Variants in ZNF69 observed in about 807,000 individuals in gnomAD.
The protein encoded by ZNF69 is zinc finger protein 69, also known as ZNF3.
A neutral mutation model predicts 50.9 loss-of-function variants in ZNF69; 47 were observed. That is an observed-to-expected ratio of 0.92 (90% CI 0.73 to 1.18). ZNF69 has a LOEUF of 1.18. Ranked by LOEUF, ZNF69 falls within the 50% of genes most tolerant of loss-of-function variation. ZNF69 has a pLI of 0.00. For synonymous variants in ZNF69, 216 were observed against 223.1 expected (o/e 0.97, Z 0.29); for missense variants, 717 against 675.1 (o/e 1.06, Z -0.69).
chr19:11,934,491 C>T, the ZNF69 span, among the ~76,000 whole-genome samples: 2 of 148,044 alleles, frequency 1.4e-5, no homozygotes, highest in African/African-American at 5.3e-5. Context: ...TTGCTGCTGC[C>T]TCATTGTTTT....
At chr19:11,980,118 A>G in the ZNF69 span, 4 of 878,314 alleles carry the variant, frequency 4.6e-6, no homozygotes, top group Non-Finnish European at 7.1e-6. Context: ...CTTCGAAAAC[A>G]TGGTAGGACT....
At chr19:11,902,155 T>C (rs1972260859) in intron 1 of ZNF69, among the ~76,000 whole-genome samples, 1 of 152,030 alleles carries the variant, frequency 6.6e-6, no homozygotes, top group Non-Finnish European at 1.5e-5. Flanking sequence ...GGTAATTTTG[T>C]ATTTTTAGTA....
the ZNF69 span, among the ~76,000 whole-genome samples, chr19:11,959,379 TCTGG>T: frequency 6.6e-6 from 1 of 152,230 alleles, no homozygotes. Context: ...CTTGGGCAGT[TCTGG>T]TGTGTCTCCT....
chr19:11,968,425 A>G, the ZNF69 span, among the ~76,000 whole-genome samples: 152,099 of 152,150 alleles, frequency 1, 76,024 homozygotes, highest in Middle Eastern at 1. Flanking sequence ...TGTATTTTAC[A>G]GAGGTGGGGT....
chr19:11,906,086 G>T lies in ZNF69; in HGVS notation c.1689G>T (p.Glu563Asp), dbSNP rs372358097. Reference protein sequence around the residue: ...GRTHPEDKPYECKQ With the variant: ...GRTHPEDKPYDCKQ The stretch of plus-strand genomic sequence containing the variant: ...CTCACCCTGAAGATAAACCCTATGA[G>T]TGTAAGCAATGAGGGAAAGCCTTCA... The change falls in exon 4 of 4, where the codon GAG (glutamate) becomes GAT (aspartate). Residue 563 changes from glutamate to aspartate, a missense_variant. Transcript: ENST00000429654. 1 of 1,611,232 alleles carries T rather than the reference G, an allele frequency of 6.2e-7. No individual in the cohort carries two copies. The highest frequency in any genetic ancestry group is 8.5e-7 in the Non-Finnish European group (1 of 1,179,130).
At chr19:11,965,469 C>G in the ZNF69 span, among the ~76,000 whole-genome samples, 2 of 152,208 alleles carry the variant, frequency 1.3e-5, no homozygotes, top group African/African-American at 4.8e-5. Context: ...GTTCCGCGCC[C>G]GCAGCCCCGC....
the ZNF69 span, among the ~76,000 whole-genome samples, chr19:11,941,584 C>T: frequency 6.6e-6 from 1 of 152,228 alleles, no homozygotes; most frequent in Non-Finnish European, 1.5e-5. Flanking sequence ...CGGCCGGCTG[C>T]TCCGAGTGCG....
the ZNF69 span, chr19:11,949,081 A>T: frequency 6.2e-7 from 1 of 1,610,886 alleles, no homozygotes; most frequent in South Asian, 1.1e-5. Flanking sequence ...TCAAACACAC[A>T]TAAGAATGAA....
chr19:11,977,118 C>T, the ZNF69 span: 3 of 1,614,152 alleles, frequency 1.9e-6, no homozygotes, highest in South Asian at 2.2e-5. Context: ...AGAGGAAACT[C>T]TACAGGGAAG....
At chr19:11,961,068 C>T in the ZNF69 span, among the ~76,000 whole-genome samples, 5 of 152,140 alleles carry the variant, frequency 3.3e-5, no homozygotes, top group African/African-American at 9.7e-5. Context: ...CCCTTGAGCC[C>T]AGGAATTTAA....
intron 4 of ZNF69, among the ~76,000 whole-genome samples, chr19:11,912,815 AC>A (rs1972476909): frequency 2.0e-5 from 3 of 152,380 alleles, no homozygotes; most frequent in African/African-American, 7.2e-5. Flanking sequence ...TTCAGACCTG[AC>A]AAGATTCTTT....
At chr19:11,977,791 A>G in the ZNF69 span, among the ~76,000 whole-genome samples, 22 of 152,222 alleles carry the variant, frequency 1.4e-4, no homozygotes, top group Non-Finnish European at 2.2e-4. Context: ...CCAGGAGTTA[A>G]AGGCTGTGGT....
the ZNF69 span, among the ~76,000 whole-genome samples, chr19:11,963,826 ATCCAGC>A: frequency 2.6e-5 from 4 of 152,028 alleles, no homozygotes; most frequent in African/African-American, 7.2e-5. Flanking sequence ...ACCTGTCCAC[ATCCAGC>A]TCCAGCTCTC....
chr19:11,916,223 C>G (rs181900640), downstream of ZNF69, among the ~76,000 whole-genome samples: 874 of 152,164 alleles, frequency 5.7e-3, 8 homozygotes, highest in African/African-American at 0.02. Flanking sequence ...AGGTACTGAA[C>G]TTGTAAGTAA....
chr19:11,979,868 G>C, the ZNF69 span: 3 of 1,463,118 alleles, frequency 2.1e-6, no homozygotes, highest in Non-Finnish European at 2.9e-6. Flanking sequence ...ACAAACACAC[G>C]TAAGAATGCA....
intron 1 of ZNF69, among the ~76,000 whole-genome samples, chr19:11,889,614 C>T (rs556088178): frequency 1.3e-5 from 2 of 152,334 alleles, no homozygotes; most frequent in East Asian, 1.9e-4. Flanking sequence ...TACAGGCACG[C>T]ACCTGAAGGG....
chr19:11,899,701 A>G lies in ZNF69; in HGVS notation c.64-3872A>G, dbSNP rs187554743. Among the ~76,000 whole-genome samples the G allele has an allele frequency of 1.1e-4, 16 of 152,156 alleles. No individual in the cohort carries two copies. In the East Asian group the frequency reaches 2.7e-3, roughly 26 times the overall value. ...AGTTATGAGTAAGGCTGCTAAAAAC[A>G]TTTGTGGGAGGACTTTTGTGTGGAC... is the stretch of plus-strand genomic sequence containing the variant. On this transcript the variant is annotated intron_variant, in intron 1 of 3. Coordinates refer to ENST00000429654, the MANE Select transcript of ZNF69 (RefSeq NM_001364730.1).
downstream of ZNF69, among the ~76,000 whole-genome samples, chr19:11,910,561 G>C (rs1972443094): frequency 6.6e-6 from 1 of 152,158 alleles, no homozygotes; most frequent in South Asian, 2.1e-4. Flanking sequence ...ATAAAAACAA[G>C]AAATGGGGAA....
chr19:11,896,120 G>A (rs1977220247), intron 1 of ZNF69, among the ~76,000 whole-genome samples: 1 of 148,248 alleles, frequency 6.7e-6, no homozygotes, highest in South Asian at 2.2e-4. Flanking sequence ...TTGGAAGGCT[G>A]AAACAGGAGA....
Sources: gnomAD v4.1 joint callset for allele counts (sites outside exome capture counted in the v4.1 genomes callset) on GRCh38, gnomAD v4.1.1 for gene constraint, MANE v1.5 for transcripts, NCBI Gene and HGNC (gene_info 2026-07-23, HGNC 2026-07-21) for gene names.